The following DNAH5 variants were observed in gnomAD, a reference collection of about 807,000 sequenced individuals.
DNAH5 encodes the protein dynein axonemal heavy chain 5, also known as axonemal beta dynein heavy chain 5.
In DNAH5, 372 loss-of-function variants were observed where a neutral mutation model predicts 518.2. The observed-to-expected ratio is 0.72, with a 90% CI of 0.66 to 0.78. The LOEUF (loss-of-function observed/expected upper bound fraction) is 0.78, where lower values mean the gene tolerates loss of function less well. DNAH5 is among the 30% of genes least tolerant of loss of function. DNAH5 has a pLI of 0.00. For missense variants in DNAH5, 5,523 were observed against 5,687.0 expected, an observed-to-expected ratio of 0.97 and a Z score of 0.93; for synonymous variants, 2,039 against 2,025.9, an observed-to-expected ratio of 1.01 and a Z score of -0.17.
intron 32 of DNAH5, among the ~76,000 whole-genome samples, chr5:13,843,477 C>T (rs1765552320): frequency 6.6e-6 from 1 of 152,134 alleles, no homozygotes; most frequent in Non-Finnish European, 1.5e-5. Context: ...ATACTGAAGT[C>T]CTAAGCCCTG....
chr5:13,983,379 C>T (rs182130093), intron 1 of DNAH5, among the ~76,000 whole-genome samples: 2 of 152,340 alleles, frequency 1.3e-5, no homozygotes, highest in East Asian at 1.9e-4. Flanking sequence ...GAACCCCTTA[C>T]ACTCTTAAAA....
rs1208543200 is a variant in DNAH5 at position 13,753,250 on chromosome 5, T to G, written c.10855A>C (p.Ser3619Arg). Residue 3619 changes from serine to arginine, a missense_variant, in exon 63 of 79, where the codon AGC becomes CGC. Ser to Arg is a moderately radical substitution (Grantham distance 110). This residue lies in a region of DNAH5 where 5,121 missense variants were observed against 5,223.3 expected (regional missense o/e 0.98). Transcript: ENST00000265104. The stretch of plus-strand genomic sequence containing the variant: ...CAAATTACCTGGAGTTCATTTCGGC[T>G]TTCTTTATTTTTAATCCAGATCTTG... ...QGKIWIKNKE[S>R]RNELQITSLN... The G allele has an allele frequency of 6.2e-7, 1 of 1,613,868 alleles. No individual in the cohort carries two copies. Among genetic ancestry groups the G allele is most frequent in the South Asian group, 1.1e-5 (1 of 91,080 alleles).
At chr5:13,749,106 A>G (rs879731004) in intron 65 of DNAH5, among the ~76,000 whole-genome samples, 1 of 152,094 alleles carries the variant, frequency 6.6e-6, no homozygotes, top group Non-Finnish European at 1.5e-5. Flanking sequence ...GAACAAGCAT[A>G]CTGCTGAAAA....
intron 1 of DNAH5, among the ~76,000 whole-genome samples, chr5:13,996,995 A>G (rs1581141059): frequency 6.6e-6 from 1 of 152,098 alleles, no homozygotes; most frequent in South Asian, 2.1e-4. Context: ...TCTCCAGGGC[A>G]TCCTTTGAAA....
chr5:13,851,284 T>C (rs1176210562), intron 30 of DNAH5, among the ~76,000 whole-genome samples: 1 of 152,092 alleles, frequency 6.6e-6, no homozygotes, highest in Non-Finnish European at 1.5e-5. Context: ...ATGCACAGAT[T>C]ATCTTGAGAG....
chr5:13,705,706 A>AGTG (rs1179870729), intron 76 of DNAH5, among the ~76,000 whole-genome samples: 1 of 152,222 alleles, frequency 6.6e-6, no homozygotes, highest in African/African-American at 2.4e-5. Flanking sequence ...AATCAAGTGA[A>AGTG]AATGAAGGCA....
rs3756672 is a variant in DNAH5, at chr5:13,718,909, G to A, written c.12472C>T (p.Arg4158Trp). Reference protein sequence around the residue: ...KFANDPPQGLRAGLKRTYSGV... With the variant: ...KFANDPPQGLWAGLKRTYSGV... ...CTATATGTTCTTTTCAGTCCTGCCC[G>A]GAGTCCTTGTGGAGGATCGTTGGCA... The change falls in exon 72 of 79, where the codon CGG becomes TGG. Residue 4158 changes from arginine to tryptophan, a missense_variant. By Grantham distance (101) the Arg-to-Trp change is moderately radical. Around this residue, in one of 3 missense-constraint regions of DNAH5, gnomAD observed 5,121 missense variants for 5,223.3 expected, o/e 0.98. Transcript: ENST00000265104. 3,582 of 1,613,842 alleles carry A rather than the reference G, an allele frequency of 2.2e-3. 86 individuals carry two copies. The East Asian group carries it at 0.047, about 21-fold the overall frequency.
chr5:13,713,124 T>TATATAC (rs1554018603), intron 75 of DNAH5, among the ~76,000 whole-genome samples: 16 of 146,562 alleles, frequency 1.1e-4, no homozygotes, highest in South Asian at 4.2e-4. Flanking sequence ...TATATATATA[T>TATATAC]ACACACACAC....
intron 22 of DNAH5, among the ~76,000 whole-genome samples, chr5:13,872,263 A>T (rs1444386576): frequency 6.6e-6 from 1 of 152,138 alleles, no homozygotes; most frequent in Non-Finnish European, 1.5e-5. Flanking sequence ...TGGAGATTAG[A>T]TCTTAGGGGC....
intron 1 of DNAH5, among the ~76,000 whole-genome samples, chr5:13,942,870 C>T (rs1033402257): frequency 6.6e-6 from 1 of 152,140 alleles, no homozygotes; most frequent in African/African-American, 2.4e-5. Context: ...ACACGACGGT[C>T]GTGAATAAAG....
chr5:13,808,225 CAAAAAAAAAAAAA>C (rs56686032), intron 46 of DNAH5, among the ~76,000 whole-genome samples: 1 of 86,340 alleles, frequency 1.2e-5, no homozygotes, highest in East Asian at 2.3e-4. Flanking sequence ...GACTCCATCT[CAAAAAAAAAAAAA>C]AAAAAAAAAA....
Position 13,931,231 on chromosome 5 carries a change from C to T in DNAH5, c.71G>A (p.Gly24Glu), listed in dbSNP as rs1530496. ...AAGAGCCCGCTTGGCTTCCTTCTCT[C>T]CCTTCAGTCTTTGCTAAAAGAAAAG... is the stretch of plus-strand genomic sequence containing the variant. ...VTRVLTQRLK[G>E]EKEAKRALLD... Residue 24 changes from glycine to glutamate, a missense_variant, in exon 2 of 79, where the codon GGA (glycine) becomes GAA (glutamate). Physicochemically the swap from Gly to Glu is moderately conservative, Grantham distance 98. Around this residue, in one of 3 missense-constraint regions of DNAH5, gnomAD observed 5,121 missense variants for 5,223.3 expected, o/e 0.98. Coordinates refer to ENST00000265104, the MANE Select transcript of DNAH5 (RefSeq NM_001369.3). 523,261 of 1,613,668 alleles carry T rather than the reference C, an allele frequency of 0.32. 92,045 individuals carry two copies. The highest frequency in any genetic ancestry group is 0.69 in the East Asian group (31,154 of 44,862).
intron 13 of DNAH5, 59 bp downstream of exon 13, chr5:13,901,994 A>G (rs976667155): frequency 1.6e-5 from 19 of 1,204,232 alleles, no homozygotes; most frequent in Non-Finnish European, 2.1e-5. Context: ...TAGGAATAAC[A>G]ACAATAAAAG....
chr5:14,008,694 T>C (rs2152090181), intron 1 of DNAH5, among the ~76,000 whole-genome samples: 1 of 149,400 alleles, frequency 6.7e-6, no homozygotes, highest in African/African-American at 2.5e-5. Context: ...GAAGGAAAAA[T>C]GGAGGAAGAA....
intron 37 of DNAH5, 65 bp from the exon 38 acceptor site, chr5:13,829,769 A>T: frequency 6.7e-7 from 1 of 1,483,040 alleles, no homozygotes; most frequent in Non-Finnish European, 9.4e-7. Context: ...TCATATTAAA[A>T]GATTCATTAT....
rs74448028 is a variant in DNAH5 at position 13,774,845 on chromosome 5, A to G, written c.9373+1594T>C. Among the ~76,000 whole-genome samples, 464 of 152,280 alleles carry G rather than the reference A, an allele frequency of 3.0e-3. 3 individuals are homozygous for G. The highest frequency in any genetic ancestry group is 0.011 in the African/African-American group (440 of 41,564). On this transcript the variant is annotated intron_variant, in intron 55 of 78. Coordinates refer to ENST00000265104, the MANE Select transcript of DNAH5 (RefSeq NM_001369.3). ...AGATGACTGAAATAGGAACTTAACA[A>G]AAAGAGCTTCATATGTAAATCATCT... is the stretch of plus-strand genomic sequence containing the variant.
chr5:13,702,567 C>A (rs13185616), intron 76 of DNAH5, among the ~76,000 whole-genome samples: 78,730 of 151,840 alleles, frequency 0.52, 20,627 homozygotes, highest in Non-Finnish European at 0.55. Flanking sequence ...GAAGGAACTC[C>A]CAATGGCCAC....
intron 22 of DNAH5, among the ~76,000 whole-genome samples, chr5:13,875,465 CAAAAA>C (rs70964513): frequency 9.4e-6 from 1 of 105,996 alleles, no homozygotes; most frequent in African/African-American, 3.8e-5. Context: ...GAAACTCCTT[CAAAAA>C]AAAAAAAAAA....
chr5:13,938,111 G>C (rs1381266574), intron 1 of DNAH5, among the ~76,000 whole-genome samples: 2 of 151,958 alleles, frequency 1.3e-5, no homozygotes, highest in African/African-American at 4.8e-5. Context: ...ATACCACCTG[G>C]GATATGAACC....
Sources: allele counts gnomAD v4.1 joint callset (sites outside exome capture counted in the v4.1 genomes callset), GRCh38; gene constraint gnomAD v4.1.1; regional missense constraint gnomAD v4.1.1; transcripts MANE v1.5; gene names NCBI Gene and HGNC (gene_info 2026-07-23, HGNC 2026-07-21).